The following STXBP5L variants were observed in gnomAD, a reference collection of about 807,000 sequenced individuals.
The protein encoded by STXBP5L is syntaxin-binding protein 5-like.
Under a neutral mutation model 144.5 loss-of-function variants are expected in STXBP5L, and 65 were observed. The ratio of observed to expected loss-of-function variants is 0.45; its 90% CI spans 0.37 to 0.55. STXBP5L has a LOEUF of 0.55. Ranked by LOEUF, STXBP5L falls within the 20% of genes least tolerant of loss-of-function variation. The pLI, the probability that STXBP5L is intolerant of heterozygous loss-of-function variation, is 0.00. For synonymous variants in STXBP5L, 505 were observed against 469.6 expected, an observed-to-expected ratio of 1.08 and a Z score of -0.97; for missense variants, 1,298 against 1,405.5, an observed-to-expected ratio of 0.92 and a Z score of 1.22.
intron 19 of STXBP5L, among the ~76,000 whole-genome samples, chr3:121,310,069 A>G (rs1577419757): frequency 6.6e-6 from 1 of 152,246 alleles, no homozygotes; most frequent in African/African-American, 2.4e-5. Context: ...ATAAAAATCA[A>G]TGAAGAAAGT....
chr3:121,199,713 G>A (rs1157265845), intron 9 of STXBP5L, among the ~76,000 whole-genome samples: 1 of 152,040 alleles, frequency 6.6e-6, no homozygotes, highest in Non-Finnish European at 1.5e-5. Context: ...TTTGATCAAA[G>A]GCCCTTTTCT....
chr3:121,191,891 A>G (rs1355772409), intron 9 of STXBP5L, among the ~76,000 whole-genome samples: 1 of 151,674 alleles, frequency 6.6e-6, no homozygotes, highest in Non-Finnish European at 1.5e-5. Flanking sequence ...GTGGGAATTG[A>G]ACAATGAGAA....
chr3:121,268,871 T>C (rs1416327376), intron 18 of STXBP5L, among the ~76,000 whole-genome samples: 1 of 152,232 alleles, frequency 6.6e-6, no homozygotes, highest in Admixed American at 6.5e-5. Context: ...GCTTTAGCTG[T>C]TCAGTTTGTC....
At chr3:121,368,815 CTAATTCTT>C (rs1169375456) in intron 20 of STXBP5L, among the ~76,000 whole-genome samples, 2 of 151,976 alleles carry the variant, frequency 1.3e-5, no homozygotes, top group African/African-American at 4.8e-5. Context: ...TTCTTAATGT[CTAATTCTT>C]TAATGTCTGG....
Position 121,364,381 on chromosome 3 carries a change from G to A in STXBP5L, c.2177-14335G>A, listed in dbSNP as rs567157248. Among the ~76,000 whole-genome samples, 4 of 151,728 alleles carry A rather than the reference G, an allele frequency of 2.6e-5. No homozygotes were observed. In the East Asian group the frequency reaches 5.8e-4, roughly 22 times the overall value. Reference sequence around the variant, plus strand: ...GTAGTAAGTTTTGAAATCAGAAATTGTAAATCTTCCAACTTTATTCTTCTC... The same window carrying A: ...GTAGTAAGTTTTGAAATCAGAAATTATAAATCTTCCAACTTTATTCTTCTC... On this transcript the variant is annotated intron_variant, in intron 20 of 26. Transcript: ENST00000471454.
At chr3:120,994,127 G>A (rs1395084813) in intron 3 of STXBP5L, among the ~76,000 whole-genome samples, 5 of 151,748 alleles carry the variant, frequency 3.3e-5, no homozygotes, top group African/African-American at 1.2e-4. Context: ...ACTGATTTTT[G>A]TGTGCCAATT....
intron 22 of STXBP5L, among the ~76,000 whole-genome samples, chr3:121,387,625 C>T (rs1560045567): frequency 1.3e-5 from 2 of 152,198 alleles, no homozygotes; most frequent in Non-Finnish European, 2.9e-5. Flanking sequence ...CTACATATGG[C>T]TAGCCAGTTT....
At chr3:121,231,356 C>T (rs536507614) in intron 11 of STXBP5L, among the ~76,000 whole-genome samples, 2 of 152,284 alleles carry the variant, frequency 1.3e-5, no homozygotes, top group African/African-American at 4.8e-5. Context: ...AAAGCAATCT[C>T]GACTACTGGA....
chr3:121,300,012 C>T (rs2051824356), intron 19 of STXBP5L, among the ~76,000 whole-genome samples: 1 of 149,522 alleles, frequency 6.7e-6, no homozygotes, highest in African/African-American at 2.5e-5. Flanking sequence ...GAAAACGACA[C>T]TTAAGACTTT....
At chr3:121,009,381 C>T (rs778272939) in intron 3 of STXBP5L, among the ~76,000 whole-genome samples, 3 of 152,028 alleles carry the variant, frequency 2.0e-5, no homozygotes, top group Non-Finnish European at 2.9e-5. Flanking sequence ...TGCAACTGCC[C>T]AACAGTCTGC....
At chr3:121,380,067 C>G (rs1350024433) in intron 21 of STXBP5L, among the ~76,000 whole-genome samples, 1 of 152,062 alleles carries the variant, frequency 6.6e-6, no homozygotes, top group Non-Finnish European at 1.5e-5. Context: ...CTCCTGGCCT[C>G]AAGCACTGGG....
At chr3:121,365,457 T>G (rs1200344552) in intron 20 of STXBP5L, among the ~76,000 whole-genome samples, 2 of 151,824 alleles carry the variant, frequency 1.3e-5, no homozygotes. Context: ...TTTTTACTAG[T>G]TATAAGTCTA....
rs374496857 is a variant in STXBP5L at position 121,283,017 on chromosome 3, G to T, written c.2110+3061G>T. Among the ~76,000 whole-genome samples, 79 of 152,068 alleles carry T rather than the reference G, an allele frequency of 5.2e-4. 1 individual carries two copies. The South Asian group carries it at 0.015, about 30-fold the overall frequency. On this transcript the variant is annotated intron_variant, in intron 19 of 26. Transcript: ENST00000471454. The stretch of plus-strand genomic sequence containing the variant: ...GAAAGGATGAAGAGTGAGAGTGTGT[G>T]TGACTGGAGGTACAGATGAGACTAG...
At chr3:121,075,281 C>T (rs2041972902) in intron 5 of STXBP5L, among the ~76,000 whole-genome samples, 1 of 152,138 alleles carries the variant, frequency 6.6e-6, no homozygotes. Context: ...CTTTCTCAAT[C>T]CTAGGTCAGC....
intron 9 of STXBP5L, among the ~76,000 whole-genome samples, chr3:121,180,380 A>G (rs2047094036): frequency 6.6e-6 from 1 of 152,226 alleles, no homozygotes; most frequent in African/African-American, 2.4e-5. Context: ...TTTTTCAAAC[A>G]AATGCTAAGA....
chr3:121,053,503 A>G (rs1948195243), intron 5 of STXBP5L, among the ~76,000 whole-genome samples: 2 of 152,252 alleles, frequency 1.3e-5, no homozygotes, highest in Non-Finnish European at 1.5e-5. Flanking sequence ...AGGATTCCCT[A>G]TTTAATAAAT....
intron 9 of STXBP5L, among the ~76,000 whole-genome samples, chr3:121,172,946 A>G (rs960615737): frequency 6.6e-6 from 1 of 152,246 alleles, no homozygotes; most frequent in Non-Finnish European, 1.5e-5. Context: ...TCCATCAGTG[A>G]TAGACTGGAT....
chr3:121,066,362 G>GTATATATATA (rs35546907), intron 5 of STXBP5L, among the ~76,000 whole-genome samples: 23 of 146,174 alleles, frequency 1.6e-4, no homozygotes, highest in East Asian at 1.4e-3. Context: ...TCCTATAAGC[G>GTATATATATA]TATATATATA....
chr3:120,985,896 T>C (rs1353059980), intron 3 of STXBP5L, among the ~76,000 whole-genome samples: 2 of 152,010 alleles, frequency 1.3e-5, no homozygotes, highest in Non-Finnish European at 2.9e-5. Flanking sequence ...TTTTTTCTAT[T>C]GTTTCTCTAT....
Sources: allele counts gnomAD v4.1 joint callset (sites outside exome capture counted in the v4.1 genomes callset), GRCh38; gene constraint gnomAD v4.1.1; transcripts MANE v1.5; gene names NCBI Gene and HGNC (gene_info 2026-07-23, HGNC 2026-07-21).